The following NTRK3 variants were observed in gnomAD, a reference collection of about 807,000 sequenced individuals.
NTRK3 encodes the protein NT-3 growth factor receptor.
A neutral mutation model predicts 91.7 loss-of-function variants in NTRK3; 24 were observed. That is an observed-to-expected ratio of 0.26 (90% CI 0.19 to 0.37). The LOEUF is 0.37. Among genes scored for constraint, NTRK3 ranks in the 10% least tolerant of loss-of-function variants. The pLI is 1.00. For missense variants in NTRK3, 880 were observed against 1,068.9 expected (o/e 0.82, Z 2.46); for synonymous variants, 483 against 404.0 (o/e 1.20, Z -2.34).
intron 13 of NTRK3, among the ~76,000 whole-genome samples, chr15:88,115,502 G>A (rs949229683): frequency 1.3e-5 from 2 of 152,288 alleles, no homozygotes; most frequent in African/African-American, 4.8e-5. Context: ...GCCCTCCTTG[G>A]GGCTTCATGT....
At chr15:88,077,932 C>T (rs1249318384) in intron 13 of NTRK3, among the ~76,000 whole-genome samples, 1 of 152,224 alleles carries the variant, frequency 6.6e-6, no homozygotes, top group African/African-American at 2.4e-5. Context: ...AAGACAGAAT[C>T]TCACAGGAAA....
chr15:88,075,261 C>T (rs1210569428), intron 13 of NTRK3, among the ~76,000 whole-genome samples: 1 of 152,220 alleles, frequency 6.6e-6, no homozygotes, highest in Non-Finnish European at 1.5e-5. Flanking sequence ...AGCCACCATC[C>T]ACAGGGTCAA....
At chr15:88,096,932 CT>C in intron 13 of NTRK3, among the ~76,000 whole-genome samples, 1 of 152,320 alleles carries the variant, frequency 6.6e-6, no homozygotes, top group East Asian at 1.9e-4. Context: ...TCAGAGTTGA[CT>C]TTTGGAGAAC....
chr15:87,911,028 G>A (rs1444957764), intron 17 of NTRK3, among the ~76,000 whole-genome samples: 2 of 152,112 alleles, frequency 1.3e-5, no homozygotes, highest in East Asian at 3.9e-4. Flanking sequence ...GGGATAGAAA[G>A]GTCAAATGAA....
At chr15:88,106,989 G>C (rs1203407958) in intron 13 of NTRK3, among the ~76,000 whole-genome samples, 1 of 151,368 alleles carries the variant, frequency 6.6e-6, no homozygotes. Flanking sequence ...CAGATCTACA[G>C]TTACATAGAT....
chr15:87,992,269 A>T (rs565751472), intron 14 of NTRK3, among the ~76,000 whole-genome samples: 2 of 151,328 alleles, frequency 1.3e-5, no homozygotes, highest in East Asian at 3.9e-4. Context: ...CCCTACTCAC[A>T]CTCTCTTGTT....
chr15:88,049,162 A>T (rs187863952), intron 13 of NTRK3, among the ~76,000 whole-genome samples: 84 of 152,346 alleles, frequency 5.5e-4, no homozygotes, highest in Non-Finnish European at 8.5e-4. Context: ...ACAGAAAAGC[A>T]AGTCTTGTCT....
intron 14 of NTRK3, among the ~76,000 whole-genome samples, chr15:87,945,848 C>T (rs978507665): frequency 6.6e-6 from 1 of 150,618 alleles, no homozygotes; most frequent in African/African-American, 2.4e-5. Flanking sequence ...TATTGAAATC[C>T]TGACCCTCTT....
chr15:87,937,354 G>C (rs891985275), intron 15 of NTRK3, among the ~76,000 whole-genome samples: 9 of 152,144 alleles, frequency 5.9e-5, no homozygotes, highest in Non-Finnish European at 1.3e-4. Flanking sequence ...TAGGATGAAT[G>C]CTTTTAAAAA....
At chr15:88,030,544 C>T (rs554078205) in intron 14 of NTRK3, among the ~76,000 whole-genome samples, 1 of 152,230 alleles carries the variant, frequency 6.6e-6, no homozygotes, top group South Asian at 2.1e-4. Flanking sequence ...ATATTCTGCA[C>T]CAGGAATCCA....
At chr15:88,183,786 C>T (rs1358247142) in intron 4 of NTRK3, among the ~76,000 whole-genome samples, 1 of 152,152 alleles carries the variant, frequency 6.6e-6, no homozygotes, top group African/African-American at 2.4e-5. Flanking sequence ...CCAGTAATGG[C>T]AGGGCTGCAG....
chr15:88,165,010 ACCCTAGAGTCAACC>A (rs920903313), intron 5 of NTRK3, among the ~76,000 whole-genome samples: 2 of 152,262 alleles, frequency 1.3e-5, no homozygotes, highest in Non-Finnish European at 2.9e-5. Context: ...GAGTATATGG[ACCCTAGAGTCAACC>A]CCCATCCCAC....
chr15:88,057,699 C>T (rs2045847754), intron 13 of NTRK3, among the ~76,000 whole-genome samples: 1 of 152,164 alleles, frequency 6.6e-6, no homozygotes, highest in African/African-American at 2.4e-5. Context: ...CTGCTCTGCC[C>T]CTGGGGGCTG....
chr15:88,064,793 TTCTTCAC>T (rs1459647065), intron 13 of NTRK3, among the ~76,000 whole-genome samples: 1 of 152,202 alleles, frequency 6.6e-6, no homozygotes, highest in Non-Finnish European at 1.5e-5. Context: ...TCAGTGTCTG[TTCTTCAC>T]TTTAGGGCTC....
At chr15:88,189,555 C>A (rs1340475945) in intron 3 of NTRK3, among the ~76,000 whole-genome samples, 2 of 152,092 alleles carry the variant, frequency 1.3e-5, no homozygotes, top group Admixed American at 6.5e-5. Context: ...AGCAATTCTC[C>A]TGCCTTAGCC....
chr15:87,884,937 A>G, intron 17 of NTRK3, among the ~76,000 whole-genome samples: 1 of 151,916 alleles, frequency 6.6e-6, no homozygotes, highest in Non-Finnish European at 1.5e-5. Context: ...AATGCAATAA[A>G]GCAAGAATTT....
chr15:87,983,716 G>A (rs2074489952), intron 14 of NTRK3, among the ~76,000 whole-genome samples: 1 of 152,050 alleles, frequency 6.6e-6, no homozygotes, highest in South Asian at 2.1e-4. Context: ...TTTGCAATAC[G>A]GATCTCATTT....
chr15:87,980,341 G>GTGTGTTTGCATGTGTACA (rs2074118349), intron 14 of NTRK3, among the ~76,000 whole-genome samples: 1 of 132,846 alleles, frequency 7.5e-6, no homozygotes, highest in Non-Finnish European at 1.6e-5. Flanking sequence ...TTGCATGTGT[G>GTGTGTTTGCATGTGTACA]TGTGTTTGCA....
chr15:88,154,577 C>A (rs955583863), intron 5 of NTRK3, among the ~76,000 whole-genome samples: 1 of 152,182 alleles, frequency 6.6e-6, no homozygotes, highest in African/African-American at 2.4e-5. Context: ...CACTGGATGG[C>A]TCATTTAATG....
Sources: allele counts gnomAD v4.1 joint callset (sites outside exome capture counted in the v4.1 genomes callset), GRCh38; gene constraint gnomAD v4.1.1; transcripts MANE v1.5; gene names NCBI Gene and HGNC (gene_info 2026-07-23, HGNC 2026-07-21).